P3H2: variants seen among roughly 807,000 people sequenced by gnomAD.
P3H2 encodes prolyl 3-hydroxylase 2.
In P3H2, 80 loss-of-function variants were observed where a neutral mutation model predicts 87.0. The observed-to-expected ratio is 0.92, with a 90% CI of 0.77 to 1.11. P3H2 has a LOEUF of 1.11. Among genes scored for constraint, P3H2 ranks in the 50% least tolerant of loss-of-function variants. P3H2 has a pLI of 0.00. For missense variants in P3H2, 1,001 were observed against 923.9 expected, an observed-to-expected ratio of 1.08 and a Z score of -1.08; for synonymous variants, 367 against 359.3, an observed-to-expected ratio of 1.02 and a Z score of -0.24.
chr3:190,007,965 C>CAAACACACACACACACACATAT, intron 1 of P3H2, among the ~76,000 whole-genome samples: 1 of 94,346 alleles, frequency 1.1e-5, no homozygotes, highest in Non-Finnish European at 2.1e-5. Context: ...TGTTGACACA[C>CAAACACACACACACACACATAT]ATATATATAT....
In P3H2 at chr3:190,119,020, G is replaced by A. The variant is rs189670529; in HGVS notation, c.480+1232C>T. On this transcript the variant is annotated intron_variant, in intron 1 of 14. Transcript: ENST00000319332. ...CTCAGGAGGCTGAGGCAGGAGAATC[G>A]TTTGAGCCCGGGAGGCGGAGGTTGC... 9.4e-4 allele frequency among the ~76,000 whole-genome samples: 143 copies of A among 151,458 alleles called. 1 individual carries two copies. The East Asian group carries it at 0.027, about 29-fold the overall frequency.
At chr3:190,117,122 G>A (rs1712318157) in intron 1 of P3H2, among the ~76,000 whole-genome samples, 1 of 152,226 alleles carries the variant, frequency 6.6e-6, no homozygotes, top group African/African-American at 2.4e-5. Context: ...CTGACTCCCA[G>A]CCCTGTGCTC....
intron 13 of P3H2, chr3:189,969,019 T>A (rs776515111): frequency 4.1e-6 from 1 of 246,676 alleles, no homozygotes; most frequent in Non-Finnish European, 7.8e-6. Context: ...AAGGATAAAT[T>A]GCAAAAATTT....
chr3:190,118,625 C>T (rs1426356626), intron 1 of P3H2, among the ~76,000 whole-genome samples: 1 of 151,902 alleles, frequency 6.6e-6, no homozygotes, highest in African/African-American at 2.4e-5. Context: ...CAGTGAACTC[C>T]AACACCTTAG....
chr3:190,009,755 A>G (rs1319208508), intron 1 of P3H2, among the ~76,000 whole-genome samples: 1 of 152,240 alleles, frequency 6.6e-6, no homozygotes, highest in Non-Finnish European at 1.5e-5. Flanking sequence ...ATGAAATAAT[A>G]TAAGCAGCTT....
chr3:190,023,450 G>A (rs573017260), intron 1 of P3H2, among the ~76,000 whole-genome samples: 16 of 152,192 alleles, frequency 1.1e-4, no homozygotes, highest in Non-Finnish European at 2.2e-4. Flanking sequence ...GGATGGCGAA[G>A]GGGAAGCAAT....
At position 190,064,599 on chromosome 3, in the gene P3H2, T is replaced by C. The variant is rs1726438812; in HGVS notation, c.480+55653A>G. Among the ~76,000 whole-genome samples, 2 of 152,100 alleles carry C rather than the reference T, an allele frequency of 1.3e-5. 1 individual carries two copies. The highest frequency in any genetic ancestry group is 4.1e-4 in the South Asian group (2 of 4,828). On this transcript the variant is annotated intron_variant, in intron 1 of 14. Transcript: ENST00000319332. The stretch of plus-strand genomic sequence containing the variant: ...ATTCAGCCTATTTTTATTGAGACAA[T>C]GGTATGCCAGATACTCTGGAAGTCA...
intron 1 of P3H2, among the ~76,000 whole-genome samples, chr3:190,023,501 T>A (rs1053035255): frequency 5.3e-5 from 8 of 152,008 alleles, no homozygotes; most frequent in Non-Finnish European, 1.0e-4. Flanking sequence ...AAGTGCCGAG[T>A]GAAGCGGGTA....
At chr3:190,024,132 A>G (rs930077544) in intron 1 of P3H2, among the ~76,000 whole-genome samples, 2 of 152,238 alleles carry the variant, frequency 1.3e-5, no homozygotes, top group East Asian at 3.8e-4. Flanking sequence ...TTAAGTGTAT[A>G]AATAATTGTT....
chr3:190,042,722 A>G (rs998864362), intron 1 of P3H2, among the ~76,000 whole-genome samples: 3 of 152,208 alleles, frequency 2.0e-5, no homozygotes, highest in African/African-American at 7.2e-5. Flanking sequence ...ACATTGGCAT[A>G]GTTACTATTC....
At chr3:190,090,977 C>A (rs1727393519) in intron 1 of P3H2, among the ~76,000 whole-genome samples, 1 of 152,150 alleles carries the variant, frequency 6.6e-6, no homozygotes, top group Non-Finnish European at 1.5e-5. Context: ...TTTTATTCCG[C>A]CTGCCATCTC....
At chr3:190,106,954 T>C (rs540848640) in intron 1 of P3H2, among the ~76,000 whole-genome samples, 2 of 152,200 alleles carry the variant, frequency 1.3e-5, no homozygotes, top group Non-Finnish European at 2.9e-5. Flanking sequence ...GTCAATAATA[T>C]CTGTTATCAC....
rs534123920 is a variant in P3H2 at position 190,078,864 on chromosome 3, T to C, written c.480+41388A>G. On this transcript the variant is annotated intron_variant, in intron 1 of 14. Coordinates refer to ENST00000319332, the MANE Select transcript of P3H2 (RefSeq NM_018192.4). ...ATCCGTGTGGATGCCCTAATGTTCT[T>C]AGTTAAGGGTGGAAGAGTGGTCAGA... 2.1e-3 allele frequency among the ~76,000 whole-genome samples: 327 copies of C among 152,232 alleles called. 2 individuals are homozygous for C. Among genetic ancestry groups the C allele is most frequent in the Non-Finnish European group, 3.8e-3 (259 of 67,994 alleles).
At chr3:189,971,506 G>T in intron 12 of P3H2, 3 of 280,140 alleles carry the variant, frequency 1.1e-5, no homozygotes, top group Non-Finnish European at 2.1e-5. Flanking sequence ...GTTCTTCTTG[G>T]GTATGAATAA....
chr3:189,959,127 A>T (rs938316927), intron 14 of P3H2, among the ~76,000 whole-genome samples: 3 of 151,360 alleles, frequency 2.0e-5, no homozygotes, highest in African/African-American at 7.3e-5. Flanking sequence ...ATCTGATTAT[A>T]TCTCTTTCCT....
intron 10 of P3H2, among the ~76,000 whole-genome samples, chr3:189,973,543 C>T (rs1291164977): frequency 4.9e-5 from 4 of 81,922 alleles, no homozygotes; most frequent in Admixed American, 1.5e-4. Flanking sequence ...TTTTTTAAGA[C>T]GGAGTCTCGC....
intron 13 of P3H2, among the ~76,000 whole-genome samples, 168 bp downstream of exon 13, chr3:189,970,648 A>G (rs1290562283): frequency 2.6e-5 from 4 of 152,170 alleles, no homozygotes; most frequent in Non-Finnish European, 1.5e-5. Flanking sequence ...CTAGATTTTT[A>G]TGGATACTTC....
intron 1 of P3H2, among the ~76,000 whole-genome samples, chr3:190,038,932 G>A (rs890864123): frequency 6.6e-6 from 1 of 152,184 alleles, no homozygotes; most frequent in South Asian, 2.1e-4. Context: ...GTTCACGCTT[G>A]TAATCCCAGC....
chr3:190,001,700 C>A (rs1724221964), intron 1 of P3H2, among the ~76,000 whole-genome samples: 2 of 152,142 alleles, frequency 1.3e-5, no homozygotes, highest in African/African-American at 4.8e-5. Context: ...GTATATCACA[C>A]TAAACAACCA....
Sources: allele counts gnomAD v4.1 joint callset (sites outside exome capture counted in the v4.1 genomes callset), GRCh38; gene constraint gnomAD v4.1.1; transcripts MANE v1.5; gene names NCBI Gene and HGNC (gene_info 2026-07-23, HGNC 2026-07-21).